Variants in CYP4X1 observed in about 807,000 individuals in gnomAD.
CYP4X1 encodes the protein cytochrome P450 family 4 subfamily X member 1.
In CYP4X1, 44 loss-of-function variants were observed where a neutral mutation model predicts 57.9. The ratio of observed to expected loss-of-function variants is 0.76; its 90% CI spans 0.60 to 0.98. CYP4X1 has a LOEUF of 0.98. CYP4X1 is among the 50% of genes least tolerant of loss of function. CYP4X1 has a pLI of 0.00. For synonymous variants in CYP4X1, 227 were observed against 228.6 expected (o/e 0.99, Z 0.06); for missense variants, 532 against 623.9 (o/e 0.85, Z 1.57).
At chr1:47,022,283 C>CTTTTTT (rs11352280), upstream of CYP4X1, among the ~76,000 whole-genome samples, 3 of 77,312 alleles carry the variant, frequency 3.9e-5, no homozygotes, top group Non-Finnish European at 7.2e-5. Flanking sequence ...TGGGGCCTGT[C>CTTTTTT]TTTTTTTTTT....
chr1:47,036,965 A>G (rs1161207681), intron 6 of CYP4X1, among the ~76,000 whole-genome samples: 1 of 152,206 alleles, frequency 6.6e-6, no homozygotes, highest in Non-Finnish European at 1.5e-5. Context: ...ACATATATGC[A>G]TACATGCACA....
At chr1:47,044,250 G>A (rs758930925) in intron 8 of CYP4X1, among the ~76,000 whole-genome samples, 16 of 151,750 alleles carry the variant, frequency 1.1e-4, no homozygotes, top group Non-Finnish European at 2.4e-4. Flanking sequence ...ATCTTTTGTT[G>A]CTCTACTATA....
intron 1 of CYP4X1, among the ~76,000 whole-genome samples, chr1:47,026,473 A>G (rs1200870298): frequency 6.6e-6 from 1 of 152,198 alleles, no homozygotes; most frequent in Non-Finnish European, 1.5e-5. Flanking sequence ...ATCAGGAAGT[A>G]TGAGTCCCCC....
At position 47,050,406 on chromosome 1, in the gene CYP4X1, A is replaced by G. The variant is rs1644351384; in HGVS notation, c.*232A>G. ...TCTTTTCTGTTAAACTTTCACTACT[A>G]TTAATGCTGTATACACCAATAGACT... On this transcript the variant is annotated 3_prime_UTR_variant, in exon 12 of 12. Transcript: ENST00000371901. The G allele has an allele frequency of 2.1e-6, 1 of 468,136 alleles. No homozygotes were observed. The highest frequency in any genetic ancestry group is 2.0e-5 in the African/African-American group (1 of 51,010). 29.0% of individuals were successfully genotyped at this position (468,136 alleles called of 1,614,324 possible).
chr1:47,046,448 C>G lies in CYP4X1; in HGVS notation c.1074-19C>G, dbSNP rs1476297517. ...ACTGGTTATGATATCTGAGTCCCTTCCCTCCCTCATCCTCACAGGGACCAG... is the reference window on the plus strand; with the variant it reads ...ACTGGTTATGATATCTGAGTCCCTTGCCTCCCTCATCCTCACAGGGACCAG... On this transcript the variant is annotated intron_variant, in intron 8 of 11. Transcript: ENST00000371901. 1.2e-6 allele frequency: 2 copies of G among 1,613,388 alleles called. No homozygotes were observed. Among genetic ancestry groups the G allele is most frequent in the Admixed American group, 3.3e-5 (2 of 59,964 alleles).
At chr1:46,961,682 T>TA in the CYP4X1 span, 2 of 1,292,234 alleles carry the variant, frequency 1.5e-6, no homozygotes, top group African/African-American at 3.0e-5. Flanking sequence ...CCCTAGTCTC[T>TA]ATTTGACCCA....
the CYP4X1 span, among the ~76,000 whole-genome samples, chr1:47,016,349 AT>A: frequency 6.8e-6 from 1 of 146,500 alleles, no homozygotes; most frequent in Non-Finnish European, 1.5e-5. Context: ...TTTTTTTTTA[AT>A]TTTTTTTTTG....
At position 47,023,849 on chromosome 1, in the gene CYP4X1, C is replaced by T. The variant is rs1205038664; in HGVS notation, c.32C>T (p.Ala11Val). ...TTCTCCTGGCTGGAGACGCGCTGGG[C>T]GCGGCCCTTTTACCTGGCGTTCGTG... The part of the protein sequence containing the change: MEFSWLETRW[A>V]RPFYLAFVFC... Residue 11 changes from alanine (A) to valine (V), a missense_variant, in exon 1 of 12, where the codon GCG becomes GTG. Transcript: ENST00000371901. 5 of 1,613,442 alleles carry T rather than the reference C, an allele frequency of 3.1e-6. No homozygotes were observed. Among genetic ancestry groups the T allele is most frequent in the Non-Finnish European group, 4.2e-6 (5 of 1,179,942 alleles).
At chr1:47,041,953 G>A (rs1644250944) in intron 8 of CYP4X1, among the ~76,000 whole-genome samples, 1 of 151,904 alleles carries the variant, frequency 6.6e-6, no homozygotes, top group Non-Finnish European at 1.5e-5. Context: ...GTTGATTTTT[G>A]TATATGGAGT....
downstream of CYP4X1, among the ~76,000 whole-genome samples, chr1:47,052,981 A>G (rs1644368879): frequency 6.6e-6 from 1 of 152,006 alleles, no homozygotes. Flanking sequence ...GGTTTGTTAC[A>G]TATGTATACA....
Position 47,030,082 on chromosome 1 carries a change from T to G in CYP4X1, c.270T>G (p.Phe90Leu). ...TCTGGATTGGGCCCTTTCAGGCATT[T>G]TTCTGTATCTATGACCCAGACTATG... ...FPFWIGPFQA[F>L]FCIYDPDYAK... Residue 90 changes from phenylalanine (F) to leucine (L), a missense_variant, in exon 2 of 12, where the codon TTT (phenylalanine) becomes TTG (leucine). By Grantham distance (22) the Phe-to-Leu change is conservative (BLOSUM62 0). Transcript: ENST00000371901. 2.5e-6 allele frequency: 4 copies of G among 1,614,128 alleles called. No homozygotes were observed. The highest frequency in any genetic ancestry group is 3.4e-6 in the Non-Finnish European group (4 of 1,179,990).
the CYP4X1 span, among the ~76,000 whole-genome samples, chr1:46,982,761 TCTC>T: frequency 6.6e-6 from 1 of 152,200 alleles, no homozygotes; most frequent in African/African-American, 2.4e-5. Context: ...CTGTGCTCCT[TCTC>T]AGTGCTCTGA....
Sources: gnomAD v4.1 joint callset for allele counts (sites outside exome capture counted in the v4.1 genomes callset) on GRCh38, gnomAD v4.1.1 for gene constraint, MANE v1.5 for transcripts, NCBI Gene and HGNC (gene_info 2026-07-23, HGNC 2026-07-21) for gene names.